Variants in MARCHF8 observed in about 807,000 individuals in gnomAD.
The protein encoded by MARCHF8 is E3 ubiquitin-protein ligase MARCHF8.
MARCHF8 carries 40 observed loss-of-function variants against 51.6 expected under a neutral mutation model. The observed-to-expected ratio is 0.77, with a 90% CI of 0.60 to 1.01. The LOEUF (loss-of-function observed/expected upper bound fraction) is 1.01, where lower values mean the gene tolerates loss of function less well. Ranked by LOEUF, MARCHF8 falls within the 50% of genes least tolerant of loss-of-function variation. MARCHF8 has a pLI of 0.00. For synonymous variants in MARCHF8, 263 were observed against 280.3 expected, an observed-to-expected ratio of 0.94 and a Z score of 0.62; for missense variants, 685 against 708.6, an observed-to-expected ratio of 0.97 and a Z score of 0.38.
chr10:45,513,958 A>G (rs1331763201), intron 2 of MARCHF8, among the ~76,000 whole-genome samples: 1 of 152,222 alleles, frequency 6.6e-6, no homozygotes, highest in Non-Finnish European at 1.5e-5. Flanking sequence ...GTTCATTAAA[A>G]TTATGAACTC....
At chr10:45,543,501 T>C (rs145008365) in intron 1 of MARCHF8, among the ~76,000 whole-genome samples, 12 of 152,284 alleles carry the variant, frequency 7.9e-5, no homozygotes, top group African/African-American at 2.6e-4. Flanking sequence ...ATATATCTGA[T>C]AAAAGACTTG....
intron 3 of MARCHF8, among the ~76,000 whole-genome samples, chr10:45,472,385 TA>T: frequency 6.6e-6 from 1 of 152,210 alleles, no homozygotes; most frequent in Non-Finnish European, 1.5e-5. Flanking sequence ...CTCAATGAAC[TA>T]AACAGCTACC....
intron 1 of MARCHF8, among the ~76,000 whole-genome samples, chr10:45,543,729 C>T (rs1217660564): frequency 1.5e-5 from 2 of 131,576 alleles, no homozygotes; most frequent in Non-Finnish European, 3.1e-5. Context: ...ACCCGGGAGG[C>T]GGAGCTTGCA....
chr10:45,551,974 G>A (rs1048384025), intron 1 of MARCHF8, among the ~76,000 whole-genome samples: 2 of 152,036 alleles, frequency 1.3e-5, no homozygotes, highest in African/African-American at 4.8e-5. Context: ...CTACTTAAAA[G>A]GCTATATGAT....
At chr10:45,523,955 C>T (rs570396968) in intron 2 of MARCHF8, among the ~76,000 whole-genome samples, 4 of 152,132 alleles carry the variant, frequency 2.6e-5, no homozygotes, top group East Asian at 1.9e-4. Context: ...TCAAGTTTTA[C>T]GTGAGAATTG....
At chr10:45,560,580 T>C (rs1266100954) in intron 1 of MARCHF8, among the ~76,000 whole-genome samples, 2 of 152,194 alleles carry the variant, frequency 1.3e-5, no homozygotes, top group African/African-American at 2.4e-5. Context: ...GCTGACTCTT[T>C]ACAGCACCCT....
chr10:45,512,712 G>A (rs1467719911), intron 2 of MARCHF8, among the ~76,000 whole-genome samples: 9 of 152,116 alleles, frequency 5.9e-5, no homozygotes, highest in Non-Finnish European at 8.8e-5. Flanking sequence ...CCACCACCCC[G>A]TCTGGGAGGT....
chr10:45,511,690 G>A (rs1248496505), intron 2 of MARCHF8, among the ~76,000 whole-genome samples: 5 of 144,928 alleles, frequency 3.4e-5, no homozygotes, highest in Admixed American at 6.9e-5. Flanking sequence ...GATTGCAGAC[G>A]GAGTCTGGTT....
rs148213280 is a variant in MARCHF8 at position 45,464,445 on chromosome 10, C to G, written c.154-118G>C. 28 of 790,968 alleles carry G rather than the reference C, an allele frequency of 3.5e-5. No homozygotes were observed. The East Asian group carries it at 7.1e-4, about 20-fold the overall frequency. 49.0% of individuals were successfully genotyped at this position (790,968 alleles called of 1,614,324 possible). ...ATGTCTGCTGCTTCCCGCTGCTCAA[C>G]GAGTAACACATATTAGATCCTTCTA... On this transcript the variant is annotated intron_variant, in intron 3 of 7. Transcript: ENST00000453424.
intron 3 of MARCHF8, among the ~76,000 whole-genome samples, chr10:45,469,969 A>G (rs1047273544): frequency 2.6e-5 from 4 of 152,050 alleles, no homozygotes; most frequent in African/African-American, 7.2e-5. Flanking sequence ...AAGAAAATAA[A>G]AATTATCAAA....
intron 2 of MARCHF8, among the ~76,000 whole-genome samples, chr10:45,499,284 A>G (rs1396315067): frequency 6.6e-6 from 1 of 152,194 alleles, no homozygotes; most frequent in Non-Finnish European, 1.5e-5. Context: ...TTTTAGAATC[A>G]GATTATTTGT....
chr10:45,567,729 T>A (rs2044381009), intron 1 of MARCHF8, among the ~76,000 whole-genome samples: 1 of 152,206 alleles, frequency 6.6e-6, no homozygotes, highest in African/African-American at 2.4e-5. Flanking sequence ...ATTCCTCCAG[T>A]CTTGTTCTTT....
At chr10:45,526,673 C>T (rs1213549941) in intron 2 of MARCHF8, among the ~76,000 whole-genome samples, 1 of 151,336 alleles carries the variant, frequency 6.6e-6, no homozygotes, top group African/African-American at 2.4e-5. Context: ...CAAGAGGGGA[C>T]TTCAACACCC....
intron 1 of MARCHF8, among the ~76,000 whole-genome samples, chr10:45,575,655 T>C (rs933936180): frequency 7.9e-5 from 12 of 152,306 alleles, no homozygotes; most frequent in South Asian, 6.2e-4. Flanking sequence ...CCCAACACTT[T>C]ACCACTATTT....
intron 3 of MARCHF8, among the ~76,000 whole-genome samples, chr10:45,487,078 T>C (rs1785998658): frequency 6.6e-6 from 1 of 152,084 alleles, no homozygotes; most frequent in Non-Finnish European, 1.5e-5. Flanking sequence ...CCCAAATTGC[T>C]GCGATTACAG....
intron 1 of MARCHF8, among the ~76,000 whole-genome samples, chr10:45,588,111 T>C (rs1354597393): frequency 1.3e-5 from 2 of 151,416 alleles, no homozygotes; most frequent in Non-Finnish European, 2.9e-5. Flanking sequence ...TTTCACACAA[T>C]ATTTCAGCTA....
intron 2 of MARCHF8, among the ~76,000 whole-genome samples, chr10:45,511,753 C>A (rs1399242145): frequency 6.6e-6 from 1 of 152,044 alleles, no homozygotes; most frequent in Non-Finnish European, 1.5e-5. Context: ...GATCTCGGCT[C>A]GCTACAACCT....
chr10:45,507,690 AT>A (rs1186498275), intron 2 of MARCHF8, among the ~76,000 whole-genome samples: 1 of 152,126 alleles, frequency 6.6e-6, no homozygotes, highest in Admixed American at 6.5e-5. Context: ...TCAATATGAA[AT>A]TTGGAGGGGA....
At position 45,576,847 on chromosome 10, in the gene MARCHF8, C is replaced by T. The variant is rs185838784; in HGVS notation, c.-79+17388G>A. Among the ~76,000 whole-genome samples the T allele has an allele frequency of 1.5e-4, 23 of 150,580 alleles. No homozygotes were observed. The East Asian group carries it at 4.3e-3, about 28-fold the overall frequency. On this transcript the variant is annotated intron_variant, in intron 1 of 6. Transcript: ENST00000319836. ...CATCCCAGCTTAAAAGTCCCAGCTA[C>T]GCACGAAGCTAAGGTGGGAAGATCA... is the stretch of plus-strand genomic sequence containing the variant.
Sources: gnomAD v4.1 joint callset for allele counts (sites outside exome capture counted in the v4.1 genomes callset) on GRCh38, gnomAD v4.1.1 for gene constraint, MANE v1.5 for transcripts, NCBI Gene and HGNC (gene_info 2026-07-23, HGNC 2026-07-21) for gene names.